The following VTA1 variants were observed in gnomAD, a reference collection of about 807,000 sequenced individuals.
The protein encoded by VTA1 is vacuolar protein sorting-associated protein VTA1 homolog.
In VTA1, 24 loss-of-function variants were observed where a neutral mutation model predicts 36.9. The observed-to-expected ratio is 0.65, with a 90% CI of 0.47 to 0.91. The LOEUF (loss-of-function observed/expected upper bound fraction) is 0.91, where lower values mean the gene tolerates loss of function less well. Ranked by LOEUF, VTA1 falls within the 40% of genes least tolerant of loss-of-function variation. The pLI is 0.00. For synonymous variants in VTA1, 142 were observed against 130.2 expected (o/e 1.09, Z -0.62); for missense variants, 393 against 377.2 (o/e 1.04, Z -0.35).
intron 2 of VTA1, among the ~76,000 whole-genome samples, chr6:142,169,294 T>C (rs560496981): frequency 6.6e-6 from 1 of 152,318 alleles, no homozygotes; most frequent in South Asian, 2.1e-4. Flanking sequence ...TTATGCTTGG[T>C]TATTTTGATT....
intron 7 of VTA1, among the ~76,000 whole-genome samples, chr6:142,213,859 C>G (rs980573093): frequency 1.3e-5 from 2 of 152,188 alleles, no homozygotes; most frequent in African/African-American, 2.4e-5. Context: ...GATCTCCAAC[C>G]TGTGATGGCG....
At chr6:142,166,416 T>C in intron 2 of VTA1, 94 bp downstream of exon 2, 1 of 890,156 alleles carries the variant, frequency 1.1e-6, no homozygotes, top group East Asian at 2.6e-5. Context: ...TTCTTTCCCT[T>C]GGCAACAATC....
chr6:142,214,717 C>A (rs1033469814), intron 7 of VTA1, among the ~76,000 whole-genome samples: 1 of 152,104 alleles, frequency 6.6e-6, no homozygotes, highest in African/African-American at 2.4e-5. Flanking sequence ...GCAGGTTCAT[C>A]GATTGTGACA....
chr6:142,211,010 T>C (rs1427079059), intron 7 of VTA1, among the ~76,000 whole-genome samples: 1 of 152,172 alleles, frequency 6.6e-6, no homozygotes, highest in East Asian at 1.9e-4. Context: ...AATTCTGTTA[T>C]TTGCAGCAAC....
At chr6:142,195,038 A>G (rs1775519635) in intron 5 of VTA1, among the ~76,000 whole-genome samples, 1 of 152,100 alleles carries the variant, frequency 6.6e-6, no homozygotes, top group South Asian at 2.1e-4. Context: ...TTCTGATACT[A>G]AGAATTTGTG....
chr6:142,171,407 C>T (rs1335576621), intron 4 of VTA1, among the ~76,000 whole-genome samples: 2 of 151,994 alleles, frequency 1.3e-5, no homozygotes, highest in Admixed American at 6.5e-5. Context: ...GAGGTAGAAT[C>T]TTTTTATGAC....
intron 6 of VTA1, among the ~76,000 whole-genome samples, chr6:142,203,763 G>A (rs1001757722): frequency 6.6e-6 from 1 of 152,096 alleles, no homozygotes; most frequent in African/African-American, 2.4e-5. Context: ...GAAGTAATGC[G>A]AAGCATTAGA....
chr6:142,159,489 A>ATTG, intron 1 of VTA1, among the ~76,000 whole-genome samples: 1 of 132,432 alleles, frequency 7.6e-6, no homozygotes, highest in East Asian at 2.1e-4. Context: ...TATTATTATT[A>ATTG]TTATTATTAT....
chr6:142,194,668 G>C lies in VTA1; in HGVS notation c.521-3771G>C, dbSNP rs116578926. Among the ~76,000 whole-genome samples the C allele has an allele frequency of 6.0e-3, 917 of 152,226 alleles. 8 individuals carry two copies. Among genetic ancestry groups the C allele is most frequent in the African/African-American group, 0.02 (844 of 41,564 alleles). On this transcript the variant is annotated intron_variant, in intron 5 of 7. Transcript: ENST00000367630. ...TACTTTGTAAATTCCTTGAGAGTTT[G>C]TATGTAGATAATTATGTCATTTGCA...
At chr6:142,153,418 C>A (rs923308136) in intron 1 of VTA1, among the ~76,000 whole-genome samples, 2 of 151,610 alleles carry the variant, frequency 1.3e-5, no homozygotes, top group Admixed American at 1.3e-4. Context: ...AACTCATTAC[C>A]TTACTATGTT....
intron 5 of VTA1, among the ~76,000 whole-genome samples, chr6:142,191,015 T>A (rs2114666581): frequency 6.6e-6 from 1 of 152,330 alleles, no homozygotes; most frequent in East Asian, 1.9e-4. Flanking sequence ...CATTGTGTGA[T>A]AAACCCCACT....
At chr6:142,155,317 C>G (rs896943182) in intron 1 of VTA1, among the ~76,000 whole-genome samples, 4 of 152,034 alleles carry the variant, frequency 2.6e-5, no homozygotes, top group African/African-American at 9.7e-5. Context: ...GAAACGTGTT[C>G]AGGAAATAAC....
At chr6:142,158,404 A>G (rs868049895) in intron 1 of VTA1, among the ~76,000 whole-genome samples, 5 of 152,180 alleles carry the variant, frequency 3.3e-5, no homozygotes, top group African/African-American at 1.2e-4. Flanking sequence ...GGATAATAAT[A>G]AGATCAACTT....
intron 5 of VTA1, among the ~76,000 whole-genome samples, chr6:142,191,103 A>G (rs111958701): frequency 0.013 from 2,021 of 152,222 alleles, 52 homozygotes; most frequent in African/African-American, 0.046. Flanking sequence ...TTATGTTGAC[A>G]TTTATAACTA....
At chr6:142,194,097 A>C (rs1317232554) in intron 5 of VTA1, among the ~76,000 whole-genome samples, 1 of 152,114 alleles carries the variant, frequency 6.6e-6, no homozygotes, top group Non-Finnish European at 1.5e-5. Flanking sequence ...ATTCATAGTA[A>C]GGTGATATTG....
intron 1 of VTA1, among the ~76,000 whole-genome samples, chr6:142,153,943 T>C (rs1393764410): frequency 6.6e-6 from 1 of 152,124 alleles, no homozygotes; most frequent in East Asian, 1.9e-4. Context: ...TGCAAAACTA[T>C]AATAATGTAC....
chr6:142,173,542 A>C (rs941098415), intron 4 of VTA1, among the ~76,000 whole-genome samples: 1 of 152,288 alleles, frequency 6.6e-6, no homozygotes, highest in East Asian at 1.9e-4. Context: ...TGGGGAAGCT[A>C]CCTTCCCCTA....
At chr6:142,167,555 A>G (rs183851867) in intron 2 of VTA1, among the ~76,000 whole-genome samples, 4 of 152,316 alleles carry the variant, frequency 2.6e-5, no homozygotes, top group Admixed American at 1.3e-4. Flanking sequence ...CATTGTTTTT[A>G]TGTATTGTTA....
At chr6:142,182,959 G>A (rs1775270118) in intron 4 of VTA1, among the ~76,000 whole-genome samples, 1 of 152,010 alleles carries the variant, frequency 6.6e-6, no homozygotes, top group South Asian at 2.1e-4. Flanking sequence ...ACATGAAAAA[G>A]GACAAGTATA....
Sources: gnomAD v4.1 joint callset for allele counts (sites outside exome capture counted in the v4.1 genomes callset) on GRCh38, gnomAD v4.1.1 for gene constraint, MANE v1.5 for transcripts, NCBI Gene and HGNC (gene_info 2026-07-23, HGNC 2026-07-21) for gene names.